RGS6: variants seen among roughly 807,000 people sequenced by gnomAD.
The protein encoded by RGS6 is regulator of G-protein signaling 6.
Under a neutral mutation model 78.5 loss-of-function variants are expected in RGS6, and 30 were observed. That is an observed-to-expected ratio of 0.38 (90% CI 0.29 to 0.52). RGS6 has a LOEUF of 0.52. Among genes scored for constraint, RGS6 ranks in the 20% least tolerant of loss-of-function variants. The pLI is 0.85. For synonymous variants in RGS6, 206 were observed against 206.0 expected, an observed-to-expected ratio of 1.00 and a Z score of 0.00; for missense variants, 495 against 609.7, an observed-to-expected ratio of 0.81 and a Z score of 1.98.
chr14:72,227,343 G>A (rs966605466), intron 2 of RGS6, among the ~76,000 whole-genome samples: 1 of 152,092 alleles, frequency 6.6e-6, no homozygotes, highest in Non-Finnish European at 1.5e-5. Flanking sequence ...TTGAACTACT[G>A]GGCTCCAGCA....
intron 1 of RGS6, among the ~76,000 whole-genome samples, chr14:71,944,911 A>G (rs760790646): frequency 6.6e-6 from 1 of 152,190 alleles, no homozygotes; most frequent in Non-Finnish European, 1.5e-5. Flanking sequence ...ACTGTGCAGC[A>G]TGTTACTGTA....
Position 72,201,830 on chromosome 14 carries a change from C to CT in RGS6, c.85-150264dup, listed in dbSNP as rs368887823. On this transcript the variant is annotated intron_variant, in intron 2 of 17. Transcript: ENST00000553525. ...TCTATCATCTGTGGCTGCTTTCAAG[C>CT]TACAAGGCAGAGGTGAGCAGCTGGG... Among the ~76,000 whole-genome samples the CT allele has an allele frequency of 3.3e-5, 5 of 152,286 alleles. No homozygotes were observed. The East Asian group carries it at 9.6e-4, about 29-fold the overall frequency.
intron 2 of RGS6, among the ~76,000 whole-genome samples, chr14:72,173,271 A>G (rs1378242758): frequency 6.6e-6 from 1 of 152,072 alleles, no homozygotes; most frequent in Admixed American, 6.6e-5. Context: ...AGCTGCCCAC[A>G]ACAGAATGAT....
At chr14:72,427,016 C>A (rs2094458176) in intron 3 of RGS6, among the ~76,000 whole-genome samples, 1 of 152,192 alleles carries the variant, frequency 6.6e-6, no homozygotes, top group South Asian at 2.1e-4. Flanking sequence ...GAAAGGACCA[C>A]ATGGAAAGGA....
At chr14:72,148,912 AC>A (rs2096644631) in intron 2 of RGS6, among the ~76,000 whole-genome samples, 1 of 152,232 alleles carries the variant, frequency 6.6e-6, no homozygotes, top group South Asian at 2.1e-4. Context: ...CAGTTATCTA[AC>A]ATTGCATGAT....
chr14:72,227,411 G>C (rs1317910113), intron 2 of RGS6, among the ~76,000 whole-genome samples: 1 of 152,012 alleles, frequency 6.6e-6, no homozygotes, highest in Non-Finnish European at 1.5e-5. Flanking sequence ...CACTGCATGG[G>C]GCTTGGAACA....
the RGS6 span, among the ~76,000 whole-genome samples, chr14:71,888,362 G>A: frequency 7.3e-6 from 1 of 137,762 alleles, no homozygotes. Flanking sequence ...AGGTTGCAGT[G>A]AGCCGAGACC....
intron 2 of RGS6, among the ~76,000 whole-genome samples, chr14:72,281,574 T>C (rs561976910): frequency 9.8e-6 from 1 of 101,530 alleles, no homozygotes; most frequent in African/African-American, 3.0e-5. Flanking sequence ...AAGGGGGTGA[T>C]GGGATCGAGT....
intron 2 of RGS6, among the ~76,000 whole-genome samples, chr14:72,153,770 A>G (rs912597483): frequency 1.3e-5 from 2 of 152,208 alleles, no homozygotes; most frequent in Admixed American, 6.5e-5. Flanking sequence ...GGCAAAAGGT[A>G]GAACAAAGAT....
chr14:72,477,079 C>T (rs1296395793), intron 11 of RGS6: 2 of 485,124 alleles, frequency 4.1e-6, no homozygotes, highest in Admixed American at 7.2e-5. Context: ...ATGAGTCATC[C>T]CATGCCTTGG....
At chr14:72,081,838 AC>A (rs1438387934) in intron 2 of RGS6, among the ~76,000 whole-genome samples, 1 of 152,020 alleles carries the variant, frequency 6.6e-6, no homozygotes, top group Non-Finnish European at 1.5e-5. Flanking sequence ...TTATTACCAC[AC>A]CTACTTCTTC....
intron 2 of RGS6, among the ~76,000 whole-genome samples, chr14:72,263,362 C>T (rs190725289): frequency 9.9e-5 from 15 of 152,110 alleles, no homozygotes; most frequent in South Asian, 8.3e-4. Context: ...GCAGACTCTC[C>T]GGACGACCCA....
intron 2 of RGS6, among the ~76,000 whole-genome samples, chr14:71,995,841 G>A (rs2095178802): frequency 6.6e-6 from 1 of 152,184 alleles, no homozygotes; most frequent in Non-Finnish European, 1.5e-5. Flanking sequence ...TGTGGCCATA[G>A]TTTATACACA....
At chr14:72,580,299 C>CA in the RGS6 span, among the ~76,000 whole-genome samples, 2 of 137,642 alleles carry the variant, frequency 1.5e-5, no homozygotes, top group East Asian at 2.1e-4. Flanking sequence ...TGTATCTCAG[C>CA]AAAAATGTCC....
At chr14:72,551,969 A>G (rs528664188) in intron 17 of RGS6, among the ~76,000 whole-genome samples, 1 of 152,384 alleles carries the variant, frequency 6.6e-6, no homozygotes, top group South Asian at 2.1e-4. Context: ...CACTGTGTGC[A>G]GTGCGTGTGC....
the RGS6 span, among the ~76,000 whole-genome samples, chr14:72,584,474 C>T: frequency 4.7e-3 from 710 of 152,242 alleles, 3 homozygotes; most frequent in South Asian, 1.0e-2. Flanking sequence ...TCAAGGAAGT[C>T]CTCTCCGAAA....
At chr14:71,976,696 C>A (rs1385305563) in intron 2 of RGS6, among the ~76,000 whole-genome samples, 77 of 152,204 alleles carry the variant, frequency 5.1e-4, no homozygotes, top group African/African-American at 1.7e-3. Context: ...AGTCTTTGCT[C>A]TTCTGAATAA....
intron 2 of RGS6, among the ~76,000 whole-genome samples, chr14:72,180,029 G>A (rs77649320): frequency 6.6e-6 from 1 of 152,202 alleles, no homozygotes; most frequent in Non-Finnish European, 1.5e-5. Context: ...AGCATCTCTA[G>A]TGATAGTTGT....
At chr14:71,982,517 G>C (rs1269110016) in intron 2 of RGS6, among the ~76,000 whole-genome samples, 1 of 152,198 alleles carries the variant, frequency 6.6e-6, no homozygotes, top group Non-Finnish European at 1.5e-5. Context: ...CTTAGGGCTA[G>C]ATATATTTCT....
Sources: allele counts gnomAD v4.1 joint callset (sites outside exome capture counted in the v4.1 genomes callset), GRCh38; gene constraint gnomAD v4.1.1; transcripts MANE v1.5; gene names NCBI Gene and HGNC (gene_info 2026-07-23, HGNC 2026-07-21).